Variants in ITPR2 observed in about 807,000 individuals in gnomAD.
ITPR2 encodes the protein inositol 1,4,5-trisphosphate receptor type 2.
Under a neutral mutation model 317.1 loss-of-function variants are expected in ITPR2, and 207 were observed. That is an observed-to-expected ratio of 0.65 (90% CI 0.58 to 0.73). The LOEUF is 0.73. Among genes scored for constraint, ITPR2 ranks in the 30% least tolerant of loss-of-function variants. ITPR2 has a pLI of 0.00. For missense variants in ITPR2, 2,613 were observed against 3,284.0 expected, an observed-to-expected ratio of 0.80 and a Z score of 4.99; for synonymous variants, 1,156 against 1,149.1, an observed-to-expected ratio of 1.01 and a Z score of -0.12.
At chr12:26,659,002 C>T (rs1176125556) in intron 16 of ITPR2, 111 bp downstream of exon 16, 15 of 748,414 alleles carry the variant, frequency 2.0e-5, no homozygotes, top group Admixed American at 2.6e-5. Flanking sequence ...CAACATAGTT[C>T]GTCCATAAAA....
intron 1 of ITPR2, among the ~76,000 whole-genome samples, chr12:26,803,630 G>A (rs549989051): frequency 8.0e-4 from 122 of 152,288 alleles, no homozygotes; most frequent in Non-Finnish European, 1.5e-3. Context: ...AGACAGAACA[G>A]AACATCAGTT....
chr12:26,412,045 T>C (rs1209642705), intron 51 of ITPR2, among the ~76,000 whole-genome samples: 1 of 152,232 alleles, frequency 6.6e-6, no homozygotes, highest in Non-Finnish European at 1.5e-5. Context: ...GTTTTATTTT[T>C]TTAAATGTTG....
At chr12:26,364,041 C>T (rs78323420) in intron 55 of ITPR2, among the ~76,000 whole-genome samples, 2 of 152,158 alleles carry the variant, frequency 1.3e-5, no homozygotes, top group Non-Finnish European at 2.9e-5. Flanking sequence ...GTGTCTGGCA[C>T]TCTCCCGTGG....
chr12:26,553,365 A>G (rs1306850306), intron 36 of ITPR2, among the ~76,000 whole-genome samples: 1 of 152,240 alleles, frequency 6.6e-6, no homozygotes, highest in Admixed American at 6.5e-5. Context: ...ATTCTCCTGC[A>G]GACTCATCTG....
chr12:26,495,591 T>C (rs928244216), intron 37 of ITPR2: 3 of 171,826 alleles, frequency 1.7e-5, no homozygotes, highest in African/African-American at 7.1e-5. Context: ...GCTTTTTGAA[T>C]GTCAATTAAT....
At chr12:26,577,353 T>G (rs1945299457) in intron 34 of ITPR2, among the ~76,000 whole-genome samples, 1 of 152,134 alleles carries the variant, frequency 6.6e-6, no homozygotes, top group Non-Finnish European at 1.5e-5. Context: ...TGGTTCCAGG[T>G]GTGGAAACAT....
chr12:26,424,405 T>C (rs560084751), intron 49 of ITPR2, among the ~76,000 whole-genome samples: 1 of 152,256 alleles, frequency 6.6e-6, no homozygotes, highest in African/African-American at 2.4e-5. Context: ...GCACTTATAG[T>C]TTCACCTCTT....
At chr12:26,660,650 T>C (rs1947475836) in intron 15 of ITPR2, among the ~76,000 whole-genome samples, 1 of 152,232 alleles carries the variant, frequency 6.6e-6, no homozygotes, top group Admixed American at 6.5e-5. Context: ...TGGCTTTGTG[T>C]ATTGGGGAGC....
intron 55 of ITPR2, among the ~76,000 whole-genome samples, chr12:26,346,328 G>A (rs1938306079): frequency 6.6e-6 from 1 of 152,172 alleles, no homozygotes; most frequent in African/African-American, 2.4e-5. Flanking sequence ...AGTGTCAAAA[G>A]TCAGCTGCGC....
At chr12:26,791,598 A>G (rs1326789799) in intron 1 of ITPR2, among the ~76,000 whole-genome samples, 1 of 152,134 alleles carries the variant, frequency 6.6e-6, no homozygotes, top group Non-Finnish European at 1.5e-5. Context: ...CAGTTCCTTG[A>G]TTTTTTTAAT....
chr12:26,656,684 T>C (rs1485661634), intron 18 of ITPR2, 136 bp from the exon 19 acceptor site: 10 of 851,212 alleles, frequency 1.2e-5, no homozygotes, highest in African/African-American at 3.4e-5. Flanking sequence ...CTCTTGACTG[T>C]AGTATGTTAA....
At chr12:26,556,504 T>C in intron 35 of ITPR2, 129 bp from the exon 36 acceptor site, 1 of 859,980 alleles carries the variant, frequency 1.2e-6, no homozygotes, top group Non-Finnish European at 1.7e-6. Flanking sequence ...GCAGCAAATG[T>C]CTGTGCCATA....
chr12:26,384,306 T>C (rs1939602895), intron 55 of ITPR2, among the ~76,000 whole-genome samples: 1 of 152,220 alleles, frequency 6.6e-6, no homozygotes, highest in East Asian at 1.9e-4. Flanking sequence ...TTTTTAGATG[T>C]TTTCCAAAGA....
In ITPR2 at chr12:26,654,136, A is replaced by C. The variant is rs959405256; in HGVS notation, c.2590-10T>G. ...GAGCCAAGTGGACCACCTTAATAAA[A>C]AAAAAAAAGCGGGGAGGGGGAGGGT... On this transcript the variant is annotated splice_polypyrimidine_tract_variant and intron_variant, in intron 20 of 56. Coordinates refer to ENST00000381340, the MANE Select transcript of ITPR2 (RefSeq NM_002223.4). 2 of 1,544,922 alleles carry C rather than the reference A, an allele frequency of 1.3e-6. No individual in the cohort carries two copies. Among genetic ancestry groups the C allele is most frequent in the Admixed American group, 2.4e-5 (1 of 41,860 alleles).
At chr12:26,760,991 G>A (rs1490819268) in intron 2 of ITPR2, among the ~76,000 whole-genome samples, 1 of 151,998 alleles carries the variant, frequency 6.6e-6, no homozygotes, top group African/African-American at 2.4e-5. Context: ...GTGGACCCAG[G>A]TTCTAACCTG....
intron 18 of ITPR2, 50 bp downstream of exon 18, chr12:26,657,657 A>T (rs748761350): frequency 6.5e-7 from 1 of 1,528,540 alleles, no homozygotes; most frequent in Non-Finnish European, 9.0e-7. Flanking sequence ...CCAGTTCTCA[A>T]TTAATATGTG....
chr12:26,724,533 C>T (rs992968320), intron 4 of ITPR2, 123 bp downstream of exon 4: 53 of 680,394 alleles, frequency 7.8e-5, no homozygotes, highest in African/African-American at 5.2e-4. Context: ...GTCACAACAT[C>T]GATAATTCCC....
At chr12:26,690,870 A>T (rs560422155) in intron 10 of ITPR2, among the ~76,000 whole-genome samples, 36 of 152,350 alleles carry the variant, frequency 2.4e-4, no homozygotes, top group Middle Eastern at 3.4e-3. Flanking sequence ...GTTTTATTTT[A>T]ATTACATAGG....
rs1163668687 is a variant in ITPR2, at chr12:26,443,529, T to C, written c.6450+14A>G. On this transcript the variant is annotated intron_variant, in intron 46 of 56. Transcript: ENST00000381340. ...TTCACAGTTGGTCTCTTTCAATAAA[T>C]AATAGATGGTTACCTCAATCTGTGC... 1 of 1,582,830 alleles carries C rather than the reference T, an allele frequency of 6.3e-7. No individual in the cohort carries two copies. Among genetic ancestry groups the C allele is most frequent in the Non-Finnish European group, 8.7e-7 (1 of 1,153,826 alleles).
Sources: allele counts gnomAD v4.1 joint callset (sites outside exome capture counted in the v4.1 genomes callset), GRCh38; gene constraint gnomAD v4.1.1; transcripts MANE v1.5; gene names NCBI Gene and HGNC (gene_info 2026-07-23, HGNC 2026-07-21).